PRKAR1B: variants seen among roughly 807,000 people sequenced by gnomAD.
PRKAR1B encodes the protein cAMP-dependent protein kinase type I-beta regulatory subunit.
In PRKAR1B, 22 loss-of-function variants were observed where a neutral mutation model predicts 46.5. That is an observed-to-expected ratio of 0.47 (90% CI 0.34 to 0.68). PRKAR1B has a LOEUF of 0.68. PRKAR1B is among the 30% of genes least tolerant of loss of function. The pLI is 0.01. For missense variants in PRKAR1B, 445 were observed against 535.6 expected (o/e 0.83, Z 1.67); for synonymous variants, 259 against 217.7 (o/e 1.19, Z -1.67).
chr7:710,797 C>T (rs1418688702), intron 2 of PRKAR1B, among the ~76,000 whole-genome samples: 5 of 152,044 alleles, frequency 3.3e-5, no homozygotes, highest in African/African-American at 1.2e-4. Flanking sequence ...GGCGCCGCCA[C>T]CACACCCAAC....
chr7:551,878 C>T (rs1487061560), intron 9 of PRKAR1B, among the ~76,000 whole-genome samples: 55 of 137,024 alleles, frequency 4.0e-4, no homozygotes, highest in Non-Finnish European at 6.9e-4. Flanking sequence ...CCCAAACCCC[C>T]ACCTCCCGCC....
At chr7:711,672 T>A in intron 1 of PRKAR1B, 145 bp from the exon 2 acceptor site, 1 of 790,002 alleles carries the variant, frequency 1.3e-6, no homozygotes, top group Non-Finnish European at 2.0e-6. Flanking sequence ...TTTCATTCTG[T>A]GGGGCCAGGT....
chr7:673,281 C>T (rs530102523), intron 4 of PRKAR1B, among the ~76,000 whole-genome samples: 2 of 152,152 alleles, frequency 1.3e-5, no homozygotes, highest in African/African-American at 4.8e-5. Flanking sequence ...AACGTAATAT[C>T]CGTTCAAAAA....
intron 4 of PRKAR1B, among the ~76,000 whole-genome samples, chr7:659,800 G>C (rs534813763): frequency 6.6e-6 from 1 of 152,082 alleles, no homozygotes; most frequent in Non-Finnish European, 1.5e-5. Flanking sequence ...TCCACCTCCC[G>C]GGCTTAAGCG....
At position 596,281 on chromosome 7, in the gene PRKAR1B, C is replaced by T; in HGVS notation, c.573G>A (p.Val191=). 1 of 1,613,460 alleles carries T rather than the reference C, an allele frequency of 6.2e-7. No individual in the cohort carries two copies. The highest frequency in any genetic ancestry group is 8.5e-7 in the Non-Finnish European group (1 of 1,179,610). Residue 191 remains valine, a synonymous_variant, in exon 7 of 11, where the codon GTG becomes GTA. Transcript: ENST00000537384. ...AGCTGCCTCCCTCGCTGATGTTGGT[C>T]ACCCACTCTCCGTTCACGTACACCT... ...EVDVYVNGEW[V]TNISEGGSFG...
At chr7:555,938 T>C (rs112532532) in intron 9 of PRKAR1B, among the ~76,000 whole-genome samples, 14,888 of 152,196 alleles carry the variant, frequency 0.098, 2,128 homozygotes, top group African/African-American at 0.32. Context: ...CCTCAATGCA[T>C]GACCAGATGC....
At chr7:583,553 C>T (rs1288601686) in intron 8 of PRKAR1B, among the ~76,000 whole-genome samples, 3 of 54,716 alleles carry the variant, frequency 5.5e-5, no homozygotes, top group Non-Finnish European at 3.9e-5. Flanking sequence ...GTGCCAAACA[C>T]ATGCGTGCAC....
intron 2 of PRKAR1B, among the ~76,000 whole-genome samples, chr7:694,322 T>C (rs1779605975): frequency 6.6e-6 from 1 of 151,370 alleles, no homozygotes; most frequent in African/African-American, 2.5e-5. Context: ...GACTTGGGAA[T>C]GGCCCACAGA....
intron 6 of PRKAR1B, among the ~76,000 whole-genome samples, chr7:603,817 G>C (rs1014584974): frequency 1.5e-4 from 23 of 148,888 alleles, no homozygotes; most frequent in Admixed American, 1.1e-3. Flanking sequence ...ACCCAGAGTG[G>C]AGAGGGCGGG....
intron 2 of PRKAR1B, among the ~76,000 whole-genome samples, chr7:685,283 T>TACAC (rs1457854439): frequency 3.0e-4 from 4 of 13,426 alleles, no homozygotes; most frequent in African/African-American, 9.8e-4. Flanking sequence ...TATATACGTA[T>TACAC]ATATATGTAT....
At chr7:719,561 C>T (rs73256254) in intron 1 of PRKAR1B, among the ~76,000 whole-genome samples, 29,052 of 152,080 alleles carry the variant, frequency 0.19, 3,120 homozygotes, top group East Asian at 0.4. Flanking sequence ...GTGATTCTCC[C>T]GTCTCAGCAT....
chr7:669,119 C>T (rs80337763), intron 4 of PRKAR1B, among the ~76,000 whole-genome samples: 2,854 of 152,164 alleles, frequency 0.019, 39 homozygotes, highest in Middle Eastern at 0.037. Flanking sequence ...GGGGTGTGGC[C>T]GTGGAGTGGA....
intron 4 of PRKAR1B, among the ~76,000 whole-genome samples, chr7:651,395 A>G (rs1784895505): frequency 1.3e-5 from 2 of 152,250 alleles, no homozygotes; most frequent in Admixed American, 1.3e-4. Flanking sequence ...ATGATGCCTT[A>G]CAGAGCTCTT....
chr7:712,452 G>C (rs1780702036), intron 1 of PRKAR1B: 1 of 148,298 alleles, frequency 6.7e-6, no homozygotes, highest in Admixed American at 6.7e-5. Context: ...GCGGCTGCGC[G>C]GGGACGCGGG....
intron 9 of PRKAR1B, chr7:565,219 A>G (rs1779056022): frequency 6.6e-6 from 1 of 152,248 alleles, no homozygotes; most frequent in Non-Finnish European, 1.5e-5. Flanking sequence ...GGCAGCCTTT[A>G]GGGGCTCTTG....
intron 2 of PRKAR1B, among the ~76,000 whole-genome samples, chr7:692,903 TGAGAA>T (rs1326106177): frequency 1.9e-4 from 28 of 151,156 alleles, no homozygotes; most frequent in African/African-American, 5.3e-4. Flanking sequence ...TGGAGGGGGC[TGAGAA>T]GAGGAGTTTG....
intron 9 of PRKAR1B, among the ~76,000 whole-genome samples, chr7:554,599 G>C (rs140608913): frequency 0.087 from 13,089 of 150,736 alleles, 701 homozygotes; most frequent in East Asian, 0.24. Context: ...CAGAAGACAG[G>C]GGAGGCCACG....
intron 2 of PRKAR1B, among the ~76,000 whole-genome samples, chr7:703,490 T>C (rs1360497464): frequency 2.0e-5 from 3 of 151,776 alleles, no homozygotes; most frequent in African/African-American, 7.3e-5. Context: ...CCATCTCTAC[T>C]AAAAACACAC....
upstream of PRKAR1B, among the ~76,000 whole-genome samples, chr7:728,280 A>T (rs1562370821): frequency 6.6e-6 from 1 of 152,168 alleles, no homozygotes; most frequent in Non-Finnish European, 1.5e-5. Flanking sequence ...CTGATGCTAT[A>T]AATCCGTGGG....
Sources: allele counts gnomAD v4.1 joint callset (sites outside exome capture counted in the v4.1 genomes callset), GRCh38; gene constraint gnomAD v4.1.1; transcripts MANE v1.5; gene names NCBI Gene and HGNC (gene_info 2026-07-23, HGNC 2026-07-21).